LARP1: variants seen among roughly 807,000 people sequenced by gnomAD.
The protein encoded by LARP1 is La ribonucleoprotein 1, translational regulator.
LARP1 carries 36 observed loss-of-function variants against 122.7 expected under a neutral mutation model. The observed-to-expected ratio is 0.29, with a 90% CI of 0.22 to 0.39. The LOEUF is 0.39. Ranked by LOEUF, LARP1 falls within the 10% of genes least tolerant of loss-of-function variation. The probability of loss-of-function intolerance (pLI) is 1.00; values close to 1 mark genes in which losing one functional copy is unlikely to be tolerated. For synonymous variants in LARP1, 539 were observed against 528.7 expected (o/e 1.02, Z -0.27); for missense variants, 1,040 against 1,403.6 (o/e 0.74, Z 4.14).
intron 1 of LARP1, among the ~76,000 whole-genome samples, chr5:154,771,047 G>C (rs1755377598): frequency 6.6e-6 from 1 of 151,876 alleles, no homozygotes; most frequent in Non-Finnish European, 1.5e-5. Flanking sequence ...AGGAGGTGGA[G>C]GTTGCTGTGA....
chr5:154,729,988 G>A (rs1471161495), intron 1 of LARP1, among the ~76,000 whole-genome samples: 3 of 152,160 alleles, frequency 2.0e-5, no homozygotes, highest in Non-Finnish European at 4.4e-5. Context: ...AGAAAGAACC[G>A]TGTAGCTGAA....
intron 1 of LARP1, among the ~76,000 whole-genome samples, chr5:154,744,436 G>A (rs1753069007): frequency 6.6e-6 from 1 of 151,990 alleles, no homozygotes; most frequent in South Asian, 2.1e-4. Context: ...TAACACCAGG[G>A]GAGGGATGGG....
chr5:154,742,372 GCCAAC>G (rs1475597987), intron 1 of LARP1, among the ~76,000 whole-genome samples: 1 of 152,180 alleles, frequency 6.6e-6, no homozygotes, highest in Non-Finnish European at 1.5e-5. Flanking sequence ...GACCAGCCTG[GCCAAC>G]ATGGCGAAAC....
chr5:154,695,870 C>A (rs1754448684), intron 1 of LARP1, among the ~76,000 whole-genome samples: 1 of 150,992 alleles, frequency 6.6e-6, no homozygotes, highest in Non-Finnish European at 1.5e-5. Flanking sequence ...AAGACTCTAT[C>A]TCGAAAAAAA....
rs1000259013 is a variant in LARP1, at chr5:154,702,916, A to C, written c.-180+19879A>C. On this transcript the variant is annotated intron_variant, in intron 1 of 18. Coordinates refer to the LARP1 transcript ENST00000687700. Reference sequence around the variant, plus strand: ...GGGCGGATCACGAGGTCAGGAGTTCAAGACCAGCCTGGCCAACATGGAGAA... The same window carrying C: ...GGGCGGATCACGAGGTCAGGAGTTCCAGACCAGCCTGGCCAACATGGAGAA... Among the ~76,000 whole-genome samples, 3 of 151,610 alleles carry C rather than the reference A, an allele frequency of 2.0e-5. No individual in the cohort carries two copies. In the South Asian group the frequency reaches 6.3e-4, roughly 32 times the overall value.
intron 1 of LARP1, among the ~76,000 whole-genome samples, chr5:154,773,523 G>A (rs1233296884): frequency 1.3e-5 from 2 of 152,158 alleles, no homozygotes; most frequent in Non-Finnish European, 2.9e-5. Flanking sequence ...ACATGTGTAA[G>A]TGCATGTTCC....
At position 154,755,403 on chromosome 5, in the gene LARP1, G is replaced by C. The variant is rs974529630; in HGVS notation, c.-355G>C. ...TCCATATTGCTGCAGCCCCCGAGCC[G>C]GGAAGCCCGGGCCGCCCCGGGGGCG... On this transcript the variant is annotated 5_prime_UTR_variant, in exon 1 of 19. Transcript: ENST00000518297. 3.3e-5 allele frequency among the ~76,000 whole-genome samples: 5 copies of C among 151,238 alleles called. No homozygotes were observed. Among genetic ancestry groups the C allele is most frequent in the African/African-American group, 1.2e-4 (5 of 41,262 alleles).
chr5:154,775,319 A>C (rs944524184), intron 1 of LARP1, among the ~76,000 whole-genome samples: 2 of 152,054 alleles, frequency 1.3e-5, no homozygotes, highest in African/African-American at 4.8e-5. Context: ...TAAGTGAATA[A>C]AAACAAGAAC....
chr5:154,762,950 C>G (rs1308439668), intron 1 of LARP1, among the ~76,000 whole-genome samples: 1 of 151,858 alleles, frequency 6.6e-6, no homozygotes, highest in Non-Finnish European at 1.5e-5. Flanking sequence ...TTTATTTAGG[C>G]TCTTGATAAT....
chr5:154,694,381 C>CCA (rs1186435459), intron 1 of LARP1, among the ~76,000 whole-genome samples: 1 of 151,998 alleles, frequency 6.6e-6, no homozygotes, highest in Admixed American at 6.6e-5. Flanking sequence ...TTCAGCCTCC[C>CCA]CACAGCTGGG....
At chr5:154,773,798 G>A (rs1755639261) in intron 1 of LARP1, among the ~76,000 whole-genome samples, 1 of 152,210 alleles carries the variant, frequency 6.6e-6, no homozygotes, top group Non-Finnish European at 1.5e-5. Flanking sequence ...CCCGCTGATG[G>A]AAGCAGGCCA....
Position 154,816,423 on chromosome 5 carries a change from ATCT to A in LARP1, c.*2333_*2335del, listed in dbSNP as rs2113091894. The A allele has an allele frequency of 6.5e-6, 1 of 152,830 alleles. No homozygotes were observed. Among genetic ancestry groups the A allele is most frequent in the East Asian group, 1.9e-4 (1 of 5,180 alleles). The allele number at this position is 152,830 out of a possible 1,614,324, so 9.5% of individuals were successfully genotyped here. On this transcript the variant is annotated 3_prime_UTR_variant, in exon 19 of 19. Coordinates refer to ENST00000518297, the MANE Select transcript of LARP1 (RefSeq NM_033551.3). The stretch of plus-strand genomic sequence containing the variant: ...TTTACTCCCAGGCCAGGGGGCTGCC[ATCT>A]TCTTCACAGACATCCCTGAAAGGAA...
intron 1 of LARP1, among the ~76,000 whole-genome samples, chr5:154,781,441 A>G (rs1042218566): frequency 1.3e-5 from 2 of 152,006 alleles, no homozygotes; most frequent in Non-Finnish European, 2.9e-5. Flanking sequence ...AAATACAAAA[A>G]AATTAGCTGG....
At chr5:154,711,645 A>G (rs1243948507), upstream of LARP1, among the ~76,000 whole-genome samples, 1 of 152,214 alleles carries the variant, frequency 6.6e-6, no homozygotes. Context: ...ACAAGAGGGA[A>G]TCTTGGGCAA....
chr5:154,772,342 T>G (rs1441269194), intron 1 of LARP1, among the ~76,000 whole-genome samples: 1 of 152,246 alleles, frequency 6.6e-6, no homozygotes, highest in Non-Finnish European at 1.5e-5. Context: ...GTGCTCAGTA[T>G]CCACATATTG....
intron 1 of LARP1, among the ~76,000 whole-genome samples, chr5:154,714,799 T>G (rs1374803851): frequency 6.6e-6 from 1 of 152,176 alleles, no homozygotes; most frequent in African/African-American, 2.4e-5. Flanking sequence ...TTTCTAGGAA[T>G]AGGGAACTCA....
Position 154,804,313 on chromosome 5 carries a change from T to A in LARP1, c.2546+6T>A. On this transcript the variant is annotated splice_donor_region_variant and intron_variant, in intron 14 of 18. Transcript: ENST00000518297. ...CCCCGTACTGCTTCCATCAGGTACC[T>A]GGGGCAGTGGGGGAAGAGTGATCAG... 1 of 1,603,612 alleles carries A rather than the reference T, an allele frequency of 6.2e-7. No individual in the cohort carries two copies. The highest frequency in any genetic ancestry group is 8.5e-7 in the Non-Finnish European group (1 of 1,170,810).
At chr5:154,725,707 T>C (rs527282442) in intron 1 of LARP1, among the ~76,000 whole-genome samples, 3 of 152,312 alleles carry the variant, frequency 2.0e-5, no homozygotes, top group African/African-American at 7.2e-5. Flanking sequence ...GCGCAAGGGA[T>C]ATGCTCTTTC....
chr5:154,800,852 C>T (rs1260062318), intron 10 of LARP1, among the ~76,000 whole-genome samples: 1 of 152,196 alleles, frequency 6.6e-6, no homozygotes, highest in Non-Finnish European at 1.5e-5. Context: ...TCTCCTTTCT[C>T]TTGCCTGCCT....
Sources: allele counts gnomAD v4.1 joint callset (sites outside exome capture counted in the v4.1 genomes callset), GRCh38; gene constraint gnomAD v4.1.1; transcripts MANE v1.5; gene names NCBI Gene and HGNC (gene_info 2026-07-23, HGNC 2026-07-21).